CCDC122: variants seen among roughly 807,000 people sequenced by gnomAD.
CCDC122 encodes the protein coiled-coil domain-containing protein 122.
In CCDC122, 38 loss-of-function variants were observed where a neutral mutation model predicts 37.0. The ratio of observed to expected loss-of-function variants is 1.03; its 90% CI spans 0.79 to 1.35. The LOEUF (loss-of-function observed/expected upper bound fraction) is 1.35. CCDC122 is among the 40% of genes most tolerant of loss of function. CCDC122 has a pLI of 0.00. For missense variants in CCDC122, 305 were observed against 310.0 expected (o/e 0.98, Z 0.12); for synonymous variants, 83 against 95.6 (o/e 0.87, Z 0.77).
At chr13:43,864,419 G>A (rs989569281) in intron 4 of CCDC122, among the ~76,000 whole-genome samples, 12 of 152,114 alleles carry the variant, frequency 7.9e-5, no homozygotes, top group African/African-American at 2.9e-4. Context: ...TCTGATGGCT[G>A]GAAAGTTCAA....
chr13:43,861,159 C>G (rs890039616), intron 4 of CCDC122, among the ~76,000 whole-genome samples: 9 of 152,110 alleles, frequency 5.9e-5, no homozygotes, highest in Non-Finnish European at 1.3e-4. Flanking sequence ...GGTGTCTTGG[C>G]TTTGCTTTAT....
intron 6 of CCDC122, among the ~76,000 whole-genome samples, chr13:43,840,947 A>G (rs1334395922): frequency 6.6e-6 from 1 of 152,194 alleles, no homozygotes; most frequent in Non-Finnish European, 1.5e-5. Context: ...TAGATCCCTG[A>G]GGAATCACCA....
chr13:43,839,218 T>C (rs1953266053), intron 6 of CCDC122, among the ~76,000 whole-genome samples: 2 of 152,214 alleles, frequency 1.3e-5, no homozygotes, highest in Admixed American at 6.5e-5. Context: ...TTTCACCACC[T>C]GGTACCCATT....
chr13:43,865,175 A>C (rs984659063), intron 4 of CCDC122, among the ~76,000 whole-genome samples: 2 of 152,126 alleles, frequency 1.3e-5, no homozygotes, highest in African/African-American at 4.8e-5. Context: ...GAGTTCTGTG[A>C]GTCATTCTAA....
At chr13:43,849,027 A>T in intron 6 of CCDC122, 5 of 952,264 alleles carry the variant, frequency 5.3e-6, no homozygotes, top group Non-Finnish European at 6.3e-6. Context: ...TTATTCACAA[A>T]AATGTAACGT....
intron 2 of CCDC122, among the ~76,000 whole-genome samples, chr13:43,870,076 T>C (rs1954397157): frequency 2.6e-5 from 4 of 152,074 alleles, no homozygotes; most frequent in Non-Finnish European, 5.9e-5. Flanking sequence ...TTACATGTGT[T>C]TAAAAAAATT....
rs58173578 is a variant in CCDC122, at chr13:43,825,769, C to CAAA, written n.602-1761_602-1759dup. 9.3e-3 allele frequency among the ~76,000 whole-genome samples: 681 copies of CAAA among 72,936 alleles called. 15 individuals are homozygous for CAAA. The highest frequency in any genetic ancestry group is 0.037 in the South Asian group (65 of 1,752). 47.8% of individuals were successfully genotyped at this position (72,936 alleles called of 152,430 possible). On this transcript the variant is annotated intron_variant and non_coding_transcript_variant, in intron 3 of 3. Transcript: ENST00000470137. ...TGGGCGACGGAGTGAGACTCCGTCT[C>CAAA]AAAAAAAAAAAAAAAAAAAAGGGAG...
At chr13:43,855,688 A>AAAAC (rs143608174) in intron 6 of CCDC122, 1 of 151,790 alleles carries the variant, frequency 6.6e-6, no homozygotes, top group African/African-American at 2.4e-5. Flanking sequence ...AAAATAAAAC[A>AAAAC]AAACAAACAA....
In CCDC122 at chr13:43,874,139, G is replaced by A. The variant is rs558436174; in HGVS notation, c.-114+703C>T. Reference sequence around the variant, plus strand: ...TTTCTATTATACCATTTTAGATAAAGGTATAGGTCTAGAGTAAGACAGAGC... The same window carrying A: ...TTTCTATTATACCATTTTAGATAAAAGTATAGGTCTAGAGTAAGACAGAGC... On this transcript the variant is annotated intron_variant, in intron 2 of 6. Transcript: ENST00000444614. Among the ~76,000 whole-genome samples, 210 of 152,214 alleles carry A rather than the reference G, an allele frequency of 1.4e-3. 1 individual carries two copies. Among genetic ancestry groups the A allele is most frequent in the Non-Finnish European group, 2.3e-3 (155 of 68,008 alleles).
intron 6 of CCDC122, among the ~76,000 whole-genome samples, chr13:43,844,142 TTTTTCTC>T (rs1256673019): frequency 6.6e-6 from 1 of 151,830 alleles, no homozygotes; most frequent in East Asian, 1.9e-4. Flanking sequence ...ATTTCAAATC[TTTTTCTC>T]TTTTCTATTA....
rs1954830472 is a variant in CCDC122, at chr13:43,879,726, C to T, written c.-295G>A. ...GTATCAGGCGGGGAATCTGTGCGGC[C>T]GCGGCGAGGTAGGTGAGGTGAGGCG... On this transcript the variant is annotated 5_prime_UTR_variant, in exon 1 of 7. Coordinates refer to ENST00000444614, the MANE Select transcript of CCDC122 (RefSeq NM_144974.5). The T allele has an allele frequency of 6.8e-6, 1 of 147,242 alleles. No homozygotes were observed. The highest frequency in any genetic ancestry group is 2.6e-5 in the African/African-American group (1 of 39,100). 9.1% of individuals were successfully genotyped at this position (147,242 alleles called of 1,614,324 possible).
At chr13:43,839,401 A>G (rs1953271090) in intron 6 of CCDC122, among the ~76,000 whole-genome samples, 2 of 152,206 alleles carry the variant, frequency 1.3e-5, no homozygotes, top group South Asian at 4.1e-4. Context: ...TAAAGGGTCT[A>G]TGGCATACCA....
At chr13:43,833,757 C>A (rs1378036398), downstream of CCDC122, among the ~76,000 whole-genome samples, 1 of 137,408 alleles carries the variant, frequency 7.3e-6, no homozygotes, top group Non-Finnish European at 1.6e-5. Flanking sequence ...TGGTGCAGAG[C>A]AGTGTCCCTG....
At chr13:43,859,347 T>C (rs1036055359) in intron 5 of CCDC122, among the ~76,000 whole-genome samples, 1 of 152,164 alleles carries the variant, frequency 6.6e-6, no homozygotes. Flanking sequence ...TCCATTGGCA[T>C]AGAAGCTAAG....
At chr13:43,835,300 G>A (rs1953134973), downstream of CCDC122, among the ~76,000 whole-genome samples, 1 of 152,010 alleles carries the variant, frequency 6.6e-6, no homozygotes, top group African/African-American at 2.4e-5. Context: ...TCACACACTG[G>A]GGCCTGTTGT....
chr13:43,829,455 G>A (rs1032903489), intron 3 of CCDC122, among the ~76,000 whole-genome samples: 3 of 151,972 alleles, frequency 2.0e-5, no homozygotes, highest in Non-Finnish European at 4.4e-5. Flanking sequence ...ACAGGCGTGT[G>A]CCACTACACC....
At chr13:43,852,058 A>T (rs1267104683) in intron 6 of CCDC122, among the ~76,000 whole-genome samples, 1 of 152,176 alleles carries the variant, frequency 6.6e-6, no homozygotes, top group African/African-American at 2.4e-5. Flanking sequence ...AAAAACCCTG[A>T]TAACCCCAAA....
chr13:43,874,459 A>C (rs941555768), intron 2 of CCDC122, among the ~76,000 whole-genome samples: 3 of 152,192 alleles, frequency 2.0e-5, no homozygotes, highest in Non-Finnish European at 4.4e-5. Context: ...GTATTCCTTA[A>C]AGTATTTGAT....
intron 1 of CCDC122, among the ~76,000 whole-genome samples, chr13:43,878,878 A>G (rs1954754796): frequency 6.6e-6 from 1 of 152,198 alleles, no homozygotes; most frequent in African/African-American, 2.4e-5. Flanking sequence ...AGCAAGAATC[A>G]GCACAAAGAC....
Sources: gnomAD v4.1 joint callset for allele counts (sites outside exome capture counted in the v4.1 genomes callset) on GRCh38, gnomAD v4.1.1 for gene constraint, MANE v1.5 for transcripts, NCBI Gene and HGNC (gene_info 2026-07-23, HGNC 2026-07-21) for gene names.